The following PRKACB variants were observed in gnomAD, a reference collection of about 807,000 sequenced individuals.
The protein encoded by PRKACB is cAMP-dependent protein kinase catalytic subunit beta.
A neutral mutation model predicts 51.4 loss-of-function variants in PRKACB; 16 were observed. The ratio of observed to expected loss-of-function variants is 0.31; its 90% CI spans 0.21 to 0.47. The LOEUF (loss-of-function observed/expected upper bound fraction) is 0.47, where lower values mean the gene tolerates loss of function less well. Ranked by LOEUF, PRKACB falls within the 20% of genes least tolerant of loss-of-function variation. The probability of loss-of-function intolerance (pLI) is 1.00; values close to 1 mark genes in which losing one functional copy is unlikely to be tolerated. For synonymous variants in PRKACB, 147 were observed against 154.4 expected (o/e 0.95, Z 0.35); for missense variants, 309 against 464.5 (o/e 0.67, Z 3.08).
intron 8 of PRKACB, among the ~76,000 whole-genome samples, chr1:84,211,042 G>A (rs1443159261): frequency 2.6e-5 from 4 of 151,788 alleles, no homozygotes; most frequent in Admixed American, 6.6e-5. Flanking sequence ...GGTGTGATAT[G>A]GAGGTGAGGA....
intron 1 of PRKACB, among the ~76,000 whole-genome samples, chr1:84,118,616 A>C (rs1650817209): frequency 6.6e-6 from 1 of 152,156 alleles, no homozygotes; most frequent in Admixed American, 6.6e-5. Flanking sequence ...AAAGTGAAGA[A>C]GAAAGCCTGG....
At chr1:84,143,322 C>T (rs372243204), upstream of PRKACB, among the ~76,000 whole-genome samples, 4 of 151,932 alleles carry the variant, frequency 2.6e-5, no homozygotes, top group Non-Finnish European at 5.9e-5. Flanking sequence ...CATGGTGGTG[C>T]GCGCCTATAA....
intron 9 of PRKACB, among the ~76,000 whole-genome samples, chr1:84,234,877 G>A (rs910407723): frequency 6.6e-6 from 1 of 152,326 alleles, no homozygotes; most frequent in Admixed American, 6.5e-5. Context: ...CCCGTCTTCT[G>A]TGTCCCTCAC....
chr1:84,164,244 A>C, intron 1 of PRKACB: 1 of 1,437,948 alleles, frequency 7.0e-7, no homozygotes, highest in Non-Finnish European at 9.2e-7. Flanking sequence ...GGCTCATGAA[A>C]AATGAAAGCT....
rs144772186 is a variant in PRKACB at position 84,225,661 on chromosome 1, A to G, written c.1072-9519A>G. 4.4e-3 allele frequency among the ~76,000 whole-genome samples: 668 copies of G among 152,168 alleles called. 17 individuals carry two copies. Among genetic ancestry groups the G allele is most frequent in the Admixed American group, 0.037 (570 of 15,280 alleles). On this transcript the variant is annotated intron_variant, in intron 9 of 9. Coordinates refer to ENST00000370685, the MANE Select transcript of PRKACB (RefSeq NM_182948.4). The stretch of plus-strand genomic sequence containing the variant: ...TGGAACAAACTCCCTCTCTGGAACA[A>G]TGCTATTGTGTGAACTCCAGGCAGG...
chr1:84,162,673 T>C (rs1040462497), intron 1 of PRKACB, among the ~76,000 whole-genome samples: 2 of 152,078 alleles, frequency 1.3e-5, no homozygotes, highest in Non-Finnish European at 2.9e-5. Flanking sequence ...TTCTATATGT[T>C]GTTCATTACT....
intron 5 of PRKACB, among the ~76,000 whole-genome samples, chr1:84,193,397 T>C (rs1275230128): frequency 3.3e-5 from 5 of 152,114 alleles, no homozygotes; most frequent in Non-Finnish European, 7.4e-5. Context: ...AAAATAAAAA[T>C]ATAGAGATGA....
chr1:84,203,549 C>T (rs1670739524), intron 8 of PRKACB, among the ~76,000 whole-genome samples: 1 of 151,902 alleles, frequency 6.6e-6, no homozygotes. Flanking sequence ...TAGAAATGAG[C>T]TTGAATTTCC....
intron 1 of PRKACB, among the ~76,000 whole-genome samples, chr1:84,129,615 T>TATTAAATTATTA (rs1164287086): frequency 6.6e-6 from 1 of 152,192 alleles, no homozygotes; most frequent in Non-Finnish European, 1.5e-5. Flanking sequence ...CTAAATCTAT[T>TATTAAATTATTA]ATTAAATTAT....
intron 1 of PRKACB, among the ~76,000 whole-genome samples, chr1:84,126,739 A>G (rs756109412): frequency 3.3e-5 from 5 of 152,188 alleles, no homozygotes; most frequent in African/African-American, 4.8e-5. Flanking sequence ...CCAGCTTAAT[A>G]ATAACTGGCA....
intron 1 of PRKACB, among the ~76,000 whole-genome samples, chr1:84,134,311 G>A (rs541883632): frequency 6.6e-6 from 1 of 151,036 alleles, no homozygotes; most frequent in South Asian, 2.1e-4. Context: ...TTCTCACTTT[G>A]GGCCGTGCTT....
At chr1:84,183,807 G>A (rs1480959761) in intron 3 of PRKACB, among the ~76,000 whole-genome samples, 4 of 151,618 alleles carry the variant, frequency 2.6e-5, no homozygotes, top group Non-Finnish European at 5.9e-5. Flanking sequence ...CTAAGACCAA[G>A]TTTTAAATCC....
intron 1 of PRKACB, among the ~76,000 whole-genome samples, chr1:84,157,165 C>T (rs1372883656): frequency 6.6e-6 from 1 of 152,082 alleles, no homozygotes; most frequent in African/African-American, 2.4e-5. Context: ...TTATGCAGAT[C>T]TATTTACCTT....
intron 5 of PRKACB, among the ~76,000 whole-genome samples, chr1:84,188,868 G>T (rs1417944519): frequency 1.3e-5 from 2 of 151,774 alleles, no homozygotes; most frequent in Non-Finnish European, 2.9e-5. Flanking sequence ...AAAACCCTTG[G>T]TCAAAACGGA....
intron 1 of PRKACB, among the ~76,000 whole-genome samples, chr1:84,102,362 A>G (rs919666652): frequency 6.6e-6 from 1 of 151,992 alleles, no homozygotes; most frequent in Non-Finnish European, 1.5e-5. Flanking sequence ...ACTCCAGCCT[A>G]GGCGACAGAG....
intron 9 of PRKACB, among the ~76,000 whole-genome samples, chr1:84,229,257 G>A (rs1438482532): frequency 8.2e-6 from 1 of 122,184 alleles, no homozygotes; most frequent in Non-Finnish European, 1.7e-5. Context: ...CGAAGGACAT[G>A]AACTCATCAT....
intron 9 of PRKACB, among the ~76,000 whole-genome samples, chr1:84,220,084 A>T (rs1254308762): frequency 6.6e-6 from 1 of 151,932 alleles, no homozygotes; most frequent in Non-Finnish European, 1.5e-5. Context: ...CATGACCATG[A>T]CCATGGGATG....
intron 1 of PRKACB, among the ~76,000 whole-genome samples, chr1:84,137,087 C>A (rs1652903426): frequency 6.6e-6 from 1 of 152,062 alleles, no homozygotes; most frequent in Non-Finnish European, 1.5e-5. Flanking sequence ...TTGTAAGTTT[C>A]CCGAGGCCTA....
At chr1:84,159,209 A>C (rs1229888735) in intron 1 of PRKACB, among the ~76,000 whole-genome samples, 1 of 152,176 alleles carries the variant, frequency 6.6e-6, no homozygotes, top group Non-Finnish European at 1.5e-5. Context: ...TTATATATTG[A>C]GTTCATAGAT....
Sources: gnomAD v4.1 joint callset for allele counts (sites outside exome capture counted in the v4.1 genomes callset) on GRCh38, gnomAD v4.1.1 for gene constraint, MANE v1.5 for transcripts, NCBI Gene and HGNC (gene_info 2026-07-23, HGNC 2026-07-21) for gene names.